Variants in ANK3 observed in about 807,000 individuals in gnomAD.
ANK3 encodes the protein ankyrin-3.
A neutral mutation model predicts 370.9 loss-of-function variants in ANK3; 57 were observed. The observed-to-expected ratio is 0.15, with a 90% CI of 0.12 to 0.19. The LOEUF is 0.19. Among genes scored for constraint, ANK3 ranks in the 10% least tolerant of loss-of-function variants. The pLI, the probability that ANK3 is intolerant of heterozygous loss-of-function variation, is 1.00. For synonymous variants in ANK3, 1,929 were observed against 1,946.3 expected (o/e 0.99, Z 0.23); for missense variants, 4,439 against 5,302.1 (o/e 0.84, Z 5.06).
intron 1 of ANK3, among the ~76,000 whole-genome samples, chr10:60,333,841 C>A (rs991217833): frequency 3.9e-5 from 6 of 152,064 alleles, no homozygotes; most frequent in Non-Finnish European, 8.8e-5. Flanking sequence ...TCGCCATTCT[C>A]ATAGTGTTTT....
At chr10:60,707,407 A>G (rs1390363984) in intron 1 of ANK3, among the ~76,000 whole-genome samples, 1 of 152,142 alleles carries the variant, frequency 6.6e-6, no homozygotes, top group Admixed American at 6.5e-5. Flanking sequence ...TGGAGCAGGT[A>G]TGTAAAATTA....
intron 1 of ANK3, among the ~76,000 whole-genome samples, chr10:60,362,290 T>C (rs1281521513): frequency 6.6e-6 from 1 of 152,246 alleles, no homozygotes; most frequent in Non-Finnish European, 1.5e-5. Context: ...ACTATCTTAT[T>C]TGGGTAAATT....
At chr10:60,055,142 A>C (rs974295716) in intron 42 of ANK3, among the ~76,000 whole-genome samples, 4 of 151,106 alleles carry the variant, frequency 2.6e-5, no homozygotes, top group African/African-American at 9.7e-5. Flanking sequence ...AACTCACCTC[A>C]TTTTAGGCTT....
intron 38 of ANK3, among the ~76,000 whole-genome samples, chr10:60,067,252 AT>A (rs1330727216): frequency 6.6e-6 from 1 of 152,188 alleles, no homozygotes; most frequent in East Asian, 1.9e-4. Flanking sequence ...TGTTTATCAT[AT>A]TTTAAAAATC....
intron 2 of ANK3, among the ~76,000 whole-genome samples, chr10:60,415,046 A>C (rs1036073113): frequency 6.6e-6 from 1 of 152,170 alleles, no homozygotes; most frequent in African/African-American, 2.4e-5. Context: ...GGGAATCTCC[A>C]TGCCAGAGGC....
intron 1 of ANK3, among the ~76,000 whole-genome samples, chr10:60,308,652 A>C (rs2045713358): frequency 6.6e-6 from 1 of 152,086 alleles, no homozygotes; most frequent in Non-Finnish European, 1.5e-5. Flanking sequence ...GAGGAGGGAA[A>C]GTGGTTAGGG....
chr10:60,655,429 A>G (rs2078850161), intron 1 of ANK3, among the ~76,000 whole-genome samples: 2 of 151,930 alleles, frequency 1.3e-5, no homozygotes, highest in Non-Finnish European at 2.9e-5. Flanking sequence ...CTAGCTTTAA[A>G]CAGAGACGTT....
At chr10:60,043,863 A>T (rs2076520000) in intron 42 of ANK3, 1 of 952,378 alleles carries the variant, frequency 1.0e-6, no homozygotes, top group African/African-American at 2.0e-5. Context: ...CTTTGTGAAA[A>T]CTCTGAAGAC....
chr10:60,719,458 T>C (rs952100991), intron 1 of ANK3, among the ~76,000 whole-genome samples: 4 of 152,146 alleles, frequency 2.6e-5, no homozygotes, highest in African/African-American at 7.2e-5. Flanking sequence ...GTTGTACCAA[T>C]TGATGCTCAA....
chr10:60,654,639 A>G (rs1266881244), intron 1 of ANK3, among the ~76,000 whole-genome samples: 3 of 152,172 alleles, frequency 2.0e-5, no homozygotes, highest in Non-Finnish European at 4.4e-5. Context: ...TAAATCCTAC[A>G]TGGTCATGAC....
At chr10:60,421,745 G>A (rs1409768689) in intron 2 of ANK3, among the ~76,000 whole-genome samples, 1 of 152,032 alleles carries the variant, frequency 6.6e-6, no homozygotes, top group Non-Finnish European at 1.5e-5. Flanking sequence ...ATCTTTTCAA[G>A]TGTGTAGTTA....
chr10:60,102,737 T>C (rs550722068), intron 28 of ANK3, among the ~76,000 whole-genome samples: 1 of 152,292 alleles, frequency 6.6e-6, no homozygotes, highest in East Asian at 1.9e-4. Context: ...ATACTTGAGT[T>C]TTAAGATTTT....
intron 7 of ANK3, among the ~76,000 whole-genome samples, chr10:60,235,052 T>G (rs1309407067): frequency 1.3e-5 from 2 of 152,148 alleles, no homozygotes; most frequent in Admixed American, 6.5e-5. Context: ...TGATAATTTG[T>G]TTTTTTGCTC....
chr10:60,178,958 G>C (rs10994241), intron 18 of ANK3, among the ~76,000 whole-genome samples: 2,789 of 152,134 alleles, frequency 0.018, 85 homozygotes, highest in African/African-American at 0.064. Flanking sequence ...GGAGGGGTGC[G>C]GGGGGAGAGG....
At chr10:60,563,040 C>T (rs2077375395) in intron 2 of ANK3, among the ~76,000 whole-genome samples, 1 of 152,020 alleles carries the variant, frequency 6.6e-6, no homozygotes, top group Non-Finnish European at 1.5e-5. Flanking sequence ...TTATGAACAA[C>T]AAAAAATTAA....
intron 2 of ANK3, among the ~76,000 whole-genome samples, chr10:60,503,169 A>G (rs2075849872): frequency 6.6e-6 from 1 of 152,206 alleles, no homozygotes; most frequent in South Asian, 2.1e-4. Flanking sequence ...GTTTATCATC[A>G]GAGGACTTTG....
intron 1 of ANK3, among the ~76,000 whole-genome samples, chr10:60,670,680 C>T (rs193198887): frequency 2.6e-5 from 4 of 152,194 alleles, no homozygotes; most frequent in African/African-American, 7.2e-5. Flanking sequence ...GGTTGCCTAC[C>T]CCCACACCCA....
At chr10:60,711,861 C>T (rs1012029991) in intron 1 of ANK3, among the ~76,000 whole-genome samples, 6 of 152,236 alleles carry the variant, frequency 3.9e-5, no homozygotes, top group African/African-American at 7.2e-5. Flanking sequence ...AAAAGGAACA[C>T]GGATAATAAC....
intron 2 of ANK3, among the ~76,000 whole-genome samples, chr10:60,609,245 T>G (rs1413520044): frequency 6.6e-6 from 1 of 152,178 alleles, no homozygotes; most frequent in Non-Finnish European, 1.5e-5. Flanking sequence ...GTCTAGTAAC[T>G]TCTTCATGAT....
Sources: allele counts gnomAD v4.1 joint callset (sites outside exome capture counted in the v4.1 genomes callset), GRCh38; gene constraint gnomAD v4.1.1; transcripts MANE v1.5; gene names NCBI Gene and HGNC (gene_info 2026-07-23, HGNC 2026-07-21).